The following FAAH2 variants were observed in gnomAD, a reference collection of about 807,000 sequenced individuals.
FAAH2 encodes the protein fatty-acid amide hydrolase 2.
A neutral mutation model predicts 36.9 loss-of-function variants in FAAH2; 60 were observed. The observed-to-expected ratio is 1.63, with a 90% CI of 1.32 to 2.02. The LOEUF is 2.02. Among genes scored for constraint, FAAH2 ranks in the 30% most tolerant of loss-of-function variants. FAAH2 has a pLI of 0.00. For synonymous variants in FAAH2, 214 were observed against 143.8 expected, an observed-to-expected ratio of 1.49 and a Z score of -3.49; for missense variants, 689 against 397.5, an observed-to-expected ratio of 1.73 and a Z score of -6.23.
At chrX:57,241,016 G>A in the FAAH2 span, among the ~76,000 whole-genome samples, 1 of 111,960 alleles carries the variant, frequency 8.9e-6, no homozygotes. Context: ...CCATGATGGT[G>A]CTCCACTGCA....
chrX:57,484,690 C>A (rs1409787489), intron 10 of FAAH2, among the ~76,000 whole-genome samples: 1 of 111,462 alleles, frequency 9.0e-6, no homozygotes, highest in African/African-American at 3.3e-5. Context: ...AGTGAGAGGT[C>A]TGCCTTTCAG....
the FAAH2 span, among the ~76,000 whole-genome samples, chrX:57,210,210 G>T: frequency 9.0e-6 from 1 of 111,370 alleles, no homozygotes; most frequent in Non-Finnish European, 1.9e-5. Context: ...ATGGGGTGGA[G>T]GGAAAATCTG....
chrX:57,335,575 T>C (rs1377546289), intron 4 of FAAH2, among the ~76,000 whole-genome samples: 2 of 113,368 alleles, frequency 1.8e-5, no homozygotes, highest in Admixed American at 1.9e-4. Context: ...AGATGGAATA[T>C]ACAACTGGGC....
the FAAH2 span, among the ~76,000 whole-genome samples, chrX:57,244,773 A>G: frequency 3.6e-5 from 4 of 111,922 alleles, no homozygotes; most frequent in Admixed American, 3.8e-4. Flanking sequence ...CACTGCAAAA[A>G]CATACCAAAT....
chrX:57,401,919 A>G (rs749946204), intron 7 of FAAH2, among the ~76,000 whole-genome samples: 1 of 111,471 alleles, frequency 9.0e-6, no homozygotes, highest in African/African-American at 3.3e-5. Context: ...AGCATGTGAA[A>G]AGAGTAAAGT....
In FAAH2 at chrX:57,287,002, G is replaced by A; in HGVS notation, c.177G>A (p.Leu59=). 1 of 1,190,174 alleles carries A rather than the reference G, an allele frequency of 8.4e-7. No homozygotes were observed. The highest frequency in any genetic ancestry group is 1.1e-6 in the Non-Finnish European group (1 of 883,880). The change falls in exon 1 of 11, where the codon CTG becomes CTA. Residue 59 remains leucine, a synonymous_variant. Transcript: ENST00000374900. ...TTTCGGGGATGCAGCTGGCCAAGCTGATCCGACAGAGAAAGGTGAGAATGC... is the reference window on the plus strand; with the variant it reads ...TTTCGGGGATGCAGCTGGCCAAGCTAATCCGACAGAGAAAGGTGAGAATGC... The part of the protein sequence containing the change: ...LLLSGMQLAK[L]IRQRKVKCID...
At chrX:57,410,595 C>T (rs1232197411) in intron 7 of FAAH2, among the ~76,000 whole-genome samples, 4 of 111,748 alleles carry the variant, frequency 3.6e-5, no homozygotes, top group East Asian at 5.6e-4. Flanking sequence ...GAATAATAGA[C>T]TGTTTTATCA....
At chrX:57,136,918 C>T in the FAAH2 span, 1 of 736,184 alleles carries the variant, frequency 1.4e-6, no homozygotes, top group Non-Finnish European at 1.9e-6. Flanking sequence ...CACTCCCAAT[C>T]CCCTGCAAAG....
intron 3 of FAAH2, among the ~76,000 whole-genome samples, chrX:57,315,299 T>A (rs754971059): frequency 9.0e-6 from 1 of 110,974 alleles, no homozygotes; most frequent in South Asian, 3.8e-4. Context: ...CTGGACTAGA[T>A]GGATTCACAG....
intron 8 of FAAH2, among the ~76,000 whole-genome samples, chrX:57,439,694 G>T (rs1451810661): frequency 9.0e-6 from 1 of 111,591 alleles, no homozygotes; most frequent in East Asian, 2.8e-4. Context: ...TGTCCTGAAT[G>T]GTATTGCCTA....
At chrX:57,377,863 C>A (rs1213616689) in intron 5 of FAAH2, among the ~76,000 whole-genome samples, 1 of 111,721 alleles carries the variant, frequency 9.0e-6, no homozygotes, top group Non-Finnish European at 1.9e-5. Context: ...CCTTCACATC[C>A]CGTGTAAGTT....
intron 5 of FAAH2, among the ~76,000 whole-genome samples, chrX:57,374,779 C>G (rs1005110171): frequency 2.7e-5 from 3 of 111,216 alleles, no homozygotes; most frequent in African/African-American, 9.8e-5. Flanking sequence ...GCATCCTTGT[C>G]TTGTTCCAGT....
At chrX:57,360,772 C>G (rs187962815) in intron 5 of FAAH2, among the ~76,000 whole-genome samples, 1 of 111,124 alleles carries the variant, frequency 9.0e-6, no homozygotes, top group East Asian at 2.8e-4. Flanking sequence ...AACCCGTCAT[C>G]TAGGTTTTGA....
intron 5 of FAAH2, among the ~76,000 whole-genome samples, chrX:57,374,157 C>A (rs899482927): frequency 9.0e-6 from 1 of 111,497 alleles, no homozygotes; most frequent in African/African-American, 3.3e-5. Context: ...GTGTTGCCTC[C>A]AGGTTTATGC....
At chrX:57,398,359 G>A (rs2055354124) in intron 7 of FAAH2, among the ~76,000 whole-genome samples, 1 of 111,680 alleles carries the variant, frequency 9.0e-6, no homozygotes, top group Non-Finnish European at 1.9e-5. Flanking sequence ...TATCTCACAG[G>A]TGTTCTCAGA....
the FAAH2 span, among the ~76,000 whole-genome samples, chrX:57,183,552 T>C: frequency 9.0e-6 from 1 of 111,454 alleles, no homozygotes; most frequent in Non-Finnish European, 1.9e-5. Context: ...ATTGTGAAGA[T>C]TTCATTTTAA....
chrX:57,163,768 A>G, the FAAH2 span, among the ~76,000 whole-genome samples: 1 of 111,899 alleles, frequency 8.9e-6, no homozygotes, highest in Non-Finnish European at 1.9e-5. Context: ...GTCTGGCACT[A>G]CCTAGTGAGA....
At chrX:57,445,686 C>T (rs866320794) in intron 8 of FAAH2, among the ~76,000 whole-genome samples, 4 of 112,016 alleles carry the variant, frequency 3.6e-5, no homozygotes, top group Non-Finnish European at 7.5e-5. Context: ...ACTATAGCTA[C>T]GCTGGTACCC....
the FAAH2 span, among the ~76,000 whole-genome samples, chrX:57,261,786 A>C: frequency 2.7e-5 from 3 of 110,588 alleles, no homozygotes; most frequent in South Asian, 7.6e-4. Context: ...AGATAAGTTT[A>C]AAGGTAATGA....
Sources: allele counts gnomAD v4.1 joint callset (sites outside exome capture counted in the v4.1 genomes callset), GRCh38; gene constraint gnomAD v4.1.1; transcripts MANE v1.5; gene names NCBI Gene and HGNC (gene_info 2026-07-23, HGNC 2026-07-21).